Variants in LAPTM4B observed in about 807,000 individuals in gnomAD.
LAPTM4B encodes the protein lysosomal-associated transmembrane protein 4B.
Under a neutral mutation model 28.5 loss-of-function variants are expected in LAPTM4B, and 26 were observed. That is an observed-to-expected ratio of 0.91 (90% CI 0.67 to 1.27). The LOEUF (loss-of-function observed/expected upper bound fraction) is 1.27, where lower values mean the gene tolerates loss of function less well. Among genes scored for constraint, LAPTM4B ranks in the 50% most tolerant of loss-of-function variants. LAPTM4B has a pLI of 0.00. For synonymous variants in LAPTM4B, 109 were observed against 106.4 expected (o/e 1.02, Z -0.15); for missense variants, 288 against 285.8 (o/e 1.01, Z -0.06).
rs1816745116 is a variant in LAPTM4B at position 97,805,446 on chromosome 8, G to T, written c.193G>T (p.Glu65Ter). 6.2e-7 allele frequency: 1 copy of T among 1,600,956 alleles called. No individual in the cohort carries two copies. The highest frequency in any genetic ancestry group is 1.3e-5 in the African/African-American group (1 of 74,118). The change falls in exon 2 of 7, where the codon GAG becomes TAG. Residue 65 changes from glutamate to a stop codon, truncating the protein, a stop_gained. Transcript: ENST00000521545. LOFTEE classifies it high-confidence loss of function. ...FSSSELGGDF[E>*]FMDDANMCIA... is the part of the protein sequence containing the mutation. The stretch of plus-strand genomic sequence containing the variant: ...AAGTTCTGAACTGGGAGGTGACTTT[G>T]AGTTCATGGATGATGCCAGTAAGTA...
chr8:97,810,555 G>A lies in LAPTM4B; in HGVS notation c.212-4773G>A, dbSNP rs78537591. On this transcript the variant is annotated intron_variant, in intron 2 of 6. Coordinates refer to ENST00000521545, the MANE Select transcript of LAPTM4B (RefSeq NM_018407.6). ...ATCAGAATAAAAAGGTAAAGCACAG[G>A]TAGTTCAGTCCACTGACCTAGAAGC... 1.3e-3 allele frequency among the ~76,000 whole-genome samples: 194 copies of A among 152,328 alleles called. 1 individual carries two copies. Among genetic ancestry groups the A allele is most frequent in the African/African-American group, 4.6e-3 (192 of 41,572 alleles).
intron 1 of LAPTM4B, among the ~76,000 whole-genome samples, chr8:97,796,598 A>T (rs1023390510): frequency 6.6e-6 from 1 of 152,198 alleles, no homozygotes; most frequent in South Asian, 2.1e-4. Context: ...TGTATGTTGT[A>T]GTGCTTTTTA....
intron 6 of LAPTM4B, among the ~76,000 whole-genome samples, chr8:97,832,319 G>A (rs1313244468): frequency 6.6e-6 from 1 of 152,134 alleles, no homozygotes; most frequent in Non-Finnish European, 1.5e-5. Flanking sequence ...TACCAGGTGG[G>A]CAGTAGTTTG....
At chr8:97,834,147 A>G (rs1209731712) in intron 6 of LAPTM4B, among the ~76,000 whole-genome samples, 1 of 147,898 alleles carries the variant, frequency 6.8e-6, no homozygotes, top group Non-Finnish European at 1.5e-5. Flanking sequence ...CTCTACAGAA[A>G]AAAAAAAAAA....
intron 1 of LAPTM4B, among the ~76,000 whole-genome samples, chr8:97,793,376 G>A (rs916944005): frequency 1.3e-5 from 2 of 151,690 alleles, no homozygotes; most frequent in Non-Finnish European, 2.9e-5. Flanking sequence ...GGTTTAGCTC[G>A]CCCCCAGCAC....
chr8:97,834,557 G>A (rs1817233341), intron 6 of LAPTM4B, among the ~76,000 whole-genome samples: 1 of 152,028 alleles, frequency 6.6e-6, no homozygotes, highest in South Asian at 2.1e-4. Flanking sequence ...TTGTGTGTGT[G>A]TGTGTGTGTG....
At chr8:97,843,816 TC>T (rs1817389714) in intron 6 of LAPTM4B, among the ~76,000 whole-genome samples, 1 of 142,108 alleles carries the variant, frequency 7.0e-6, no homozygotes, top group African/African-American at 3.0e-5. Flanking sequence ...AATAAATAAA[TC>T]ATTTGCTTAC....
rs747440333 is a variant in LAPTM4B, at chr8:97,776,043, T to G, written c.34T>G (p.Ser12Ala). The G allele has an allele frequency of 5.0e-6, 8 of 1,586,898 alleles. No homozygotes were observed. The highest frequency in any genetic ancestry group is 6.0e-6 in the Non-Finnish European group (7 of 1,170,218). ...KMVAPWTRFY[S>A]NSCCLCCHVR... ...GGTCGCGCCCTGGACGCGGTTCTAC[T>G]CCAACAGCTGCTGCTTGTGCTGCCA... Residue 12 changes from serine (S) to alanine (A), a missense_variant, in exon 1 of 7, where the codon TCC becomes GCC. By Grantham distance (99) the Ser-to-Ala change is moderately conservative. Coordinates refer to ENST00000521545, the MANE Select transcript of LAPTM4B (RefSeq NM_018407.6).
At chr8:97,842,478 G>T (rs940103922) in intron 6 of LAPTM4B, among the ~76,000 whole-genome samples, 3 of 152,202 alleles carry the variant, frequency 2.0e-5, no homozygotes, top group Admixed American at 2.0e-4. Flanking sequence ...CTGCAGGAGG[G>T]CCGGCAAACA....
At chr8:97,838,805 G>T (rs1020871453) in intron 6 of LAPTM4B, among the ~76,000 whole-genome samples, 25 of 152,086 alleles carry the variant, frequency 1.6e-4, no homozygotes, top group Non-Finnish European at 3.5e-4. Context: ...CTGGTTTGTT[G>T]TTCGTTTGCT....
At chr8:97,834,750 G>A (rs1563620245) in intron 6 of LAPTM4B, among the ~76,000 whole-genome samples, 1 of 152,082 alleles carries the variant, frequency 6.6e-6, no homozygotes, top group Non-Finnish European at 1.5e-5. Flanking sequence ...CTTTCTTATT[G>A]TCTGGTATGA....
chr8:97,791,818 T>C (rs1048183112), intron 1 of LAPTM4B, among the ~76,000 whole-genome samples: 1 of 152,218 alleles, frequency 6.6e-6, no homozygotes, highest in Admixed American at 6.5e-5. Context: ...CCCTGAAGTC[T>C]GAGTCCTCAT....
intron 1 of LAPTM4B, among the ~76,000 whole-genome samples, chr8:97,781,277 C>CATTTTTTT (rs1489104689): frequency 1.1e-4 from 5 of 44,000 alleles, no homozygotes; most frequent in East Asian, 9.0e-4. Flanking sequence ...CTGTGCCCGG[C>CATTTTTTT]CTTTTTTTTT....
At chr8:97,831,723 A>C (rs941695364) in intron 6 of LAPTM4B, among the ~76,000 whole-genome samples, 1 of 152,186 alleles carries the variant, frequency 6.6e-6, no homozygotes, top group Non-Finnish European at 1.5e-5. Flanking sequence ...GGAGTGATAG[A>C]TGAGAAAGAC....
At chr8:97,817,057 G>T (rs191830026) in intron 4 of LAPTM4B, among the ~76,000 whole-genome samples, 1 of 152,168 alleles carries the variant, frequency 6.6e-6, no homozygotes, top group Non-Finnish European at 1.5e-5. Context: ...ACTAGTTTAC[G>T]GTTAAATGTC....
At chr8:97,796,058 G>GC (rs35474694) in intron 1 of LAPTM4B, among the ~76,000 whole-genome samples, 1 of 151,960 alleles carries the variant, frequency 6.6e-6, no homozygotes, top group Admixed American at 6.6e-5. Context: ...TCTTGCCTTG[G>GC]CCCCCCCAGT....
At chr8:97,830,682 AC>A (rs1475469991) in intron 6 of LAPTM4B, among the ~76,000 whole-genome samples, 2 of 152,010 alleles carry the variant, frequency 1.3e-5, no homozygotes, top group Non-Finnish European at 2.9e-5. Flanking sequence ...GGAGCGATGA[AC>A]CCAGTGGGGA....
At chr8:97,814,056 T>C (rs1816865590) in intron 2 of LAPTM4B, among the ~76,000 whole-genome samples, 1 of 152,162 alleles carries the variant, frequency 6.6e-6, no homozygotes, top group Admixed American at 6.5e-5. Flanking sequence ...GCCAAGTTGG[T>C]TTAAGATATT....
chr8:97,845,956 G>A (rs1438560223), intron 6 of LAPTM4B, among the ~76,000 whole-genome samples: 2 of 134,296 alleles, frequency 1.5e-5, no homozygotes, highest in African/African-American at 2.8e-5. Context: ...GCAGTGGTAC[G>A]ATCGTGTTTC....
Sources: allele counts gnomAD v4.1 joint callset (sites outside exome capture counted in the v4.1 genomes callset), GRCh38; gene constraint gnomAD v4.1.1; transcripts MANE v1.5; gene names NCBI Gene and HGNC (gene_info 2026-07-23, HGNC 2026-07-21).